AFG2A: variants seen among roughly 807,000 people sequenced by gnomAD.
AFG2A encodes ATPase family gene 2 protein homolog A.
chr4:123,019,220 G>A, the AFG2A span, among the ~76,000 whole-genome samples: 1 of 151,856 alleles, frequency 6.6e-6, no homozygotes, highest in Non-Finnish European at 1.5e-5. Flanking sequence ...AAAGTTTAGA[G>A]AGTTGAAGTA....
the AFG2A span, among the ~76,000 whole-genome samples, chr4:123,239,095 A>C: frequency 6.6e-6 from 1 of 152,224 alleles, no homozygotes; most frequent in East Asian, 1.9e-4. Flanking sequence ...CAGTGATTGA[A>C]GATCAAATGA....
the AFG2A span, among the ~76,000 whole-genome samples, chr4:123,097,314 T>TA: frequency 6.6e-6 from 1 of 151,810 alleles, no homozygotes; most frequent in African/African-American, 2.4e-5. Context: ...TTTTCCTAGT[T>TA]ATAACTATTG....
chr4:122,927,272 C>T, the AFG2A span, among the ~76,000 whole-genome samples: 9 of 152,270 alleles, frequency 5.9e-5, no homozygotes, highest in African/African-American at 2.2e-4. Context: ...TGTGCCAGTT[C>T]CCAGTTCAAT....
At chr4:123,016,482 CGGG>C in the AFG2A span, among the ~76,000 whole-genome samples, 2 of 145,626 alleles carry the variant, frequency 1.4e-5, no homozygotes, top group African/African-American at 2.6e-5. Context: ...ACATCCCAGA[CGGG>C]GTGGCGGGGC....
At chr4:122,948,223 A>G in the AFG2A span, among the ~76,000 whole-genome samples, 2 of 152,036 alleles carry the variant, frequency 1.3e-5, no homozygotes, top group Non-Finnish European at 2.9e-5. Flanking sequence ...AAAGTAATCT[A>G]GAGATTATTT....
chr4:123,236,614 C>T, the AFG2A span, among the ~76,000 whole-genome samples: 1 of 152,130 alleles, frequency 6.6e-6, no homozygotes, highest in Non-Finnish European at 1.5e-5. Context: ...TTCCACTTTA[C>T]AGATGAGAAA....
the AFG2A span, among the ~76,000 whole-genome samples, chr4:123,004,881 A>G: frequency 3.9e-5 from 6 of 152,280 alleles, no homozygotes; most frequent in South Asian, 1.2e-3. Context: ...GTAAATTTTA[A>G]TATTTTTACT....
chr4:123,111,095 G>A, the AFG2A span, among the ~76,000 whole-genome samples: 1 of 152,182 alleles, frequency 6.6e-6, no homozygotes, highest in Non-Finnish European at 1.5e-5. Context: ...CTGATTCCGT[G>A]GAGTAATAAA....
the AFG2A span, among the ~76,000 whole-genome samples, chr4:123,305,812 A>G: frequency 0.15 from 22,426 of 152,200 alleles, 1,843 homozygotes; most frequent in Middle Eastern, 0.24. Flanking sequence ...TGTCTCATGA[A>G]TTGGGGGAAA....
the AFG2A span, among the ~76,000 whole-genome samples, chr4:123,225,541 G>A: frequency 6.6e-6 from 1 of 152,138 alleles, no homozygotes; most frequent in African/African-American, 2.4e-5. Flanking sequence ...CATTATTTCT[G>A]AGGGCTCTGT....
the AFG2A span, among the ~76,000 whole-genome samples, chr4:123,256,485 A>C: frequency 6.6e-6 from 1 of 152,248 alleles, no homozygotes; most frequent in East Asian, 1.9e-4. Context: ...TTAATACAGC[A>C]GTTTCTAACC....
the AFG2A span, among the ~76,000 whole-genome samples, chr4:122,996,753 G>A: frequency 3.3e-5 from 5 of 152,198 alleles, no homozygotes; most frequent in South Asian, 1.0e-3. Flanking sequence ...AAGTCCCAGG[G>A]TCTCATAATC....
chr4:123,071,429 G>A, the AFG2A span, among the ~76,000 whole-genome samples: 4 of 151,474 alleles, frequency 2.6e-5, no homozygotes, highest in Admixed American at 6.6e-5. Flanking sequence ...GCGATGAGCC[G>A]AGATGGCGCC....
At chr4:123,098,193 G>A in the AFG2A span, among the ~76,000 whole-genome samples, 1 of 151,902 alleles carries the variant, frequency 6.6e-6, no homozygotes, top group Non-Finnish European at 1.5e-5. Context: ...AATGTCTGTT[G>A]TTCATATATG....
the AFG2A span, among the ~76,000 whole-genome samples, chr4:123,251,794 G>A: frequency 0.52 from 79,187 of 151,920 alleles, 24,793 homozygotes; most frequent in Non-Finnish European, 0.67. Context: ...ATTTTAAGGT[G>A]TACAGAATTG....
chr4:123,297,128 A>C, the AFG2A span, among the ~76,000 whole-genome samples: 1 of 152,060 alleles, frequency 6.6e-6, no homozygotes. Context: ...CCCTACCCAC[A>C]AAAAAAGTTG....
At chr4:123,076,705 T>A in the AFG2A span, among the ~76,000 whole-genome samples, 1 of 152,116 alleles carries the variant, frequency 6.6e-6, no homozygotes, top group African/African-American at 2.4e-5. Flanking sequence ...TTTTCCCCTC[T>A]TAAAGGAGAC....
chr4:123,281,477 A>C, the AFG2A span, among the ~76,000 whole-genome samples: 3 of 152,170 alleles, frequency 2.0e-5, no homozygotes, highest in African/African-American at 7.2e-5. Context: ...AGGTGTTGTC[A>C]GATGTTGGAG....
chr4:123,275,501 CTTTTA>C, the AFG2A span, among the ~76,000 whole-genome samples: 5 of 151,872 alleles, frequency 3.3e-5, no homozygotes, highest in South Asian at 2.1e-4. Flanking sequence ...TTTAATTTAA[CTTTTA>C]TTTTAGGTTC....
Sources: allele counts gnomAD v4.1 joint callset (sites outside exome capture counted in the v4.1 genomes callset), GRCh38; gene constraint gnomAD v4.1.1; transcripts MANE v1.5; gene names NCBI Gene and HGNC (gene_info 2026-07-23, HGNC 2026-07-21).